Variants in C4orf50 observed in about 807,000 individuals in gnomAD.
C4orf50 encodes chromosome 4 open reading frame 50, also known as uncharacterized protein C4orf50.
C4orf50 carries 80 observed loss-of-function variants against 77.2 expected under a neutral mutation model. That is an observed-to-expected ratio of 1.04 (90% CI 0.87 to 1.25). The LOEUF (loss-of-function observed/expected upper bound fraction) is 1.25. C4orf50 is among the 50% of genes most tolerant of loss of function. The pLI is 0.00. For missense variants in C4orf50, 1,257 were observed against 1,152.9 expected, an observed-to-expected ratio of 1.09 and a Z score of -1.31; for synonymous variants, 532 against 465.3, an observed-to-expected ratio of 1.14 and a Z score of -1.84.
chr4:5,951,467 G>A (rs1020750363), intron 7 of C4orf50, among the ~76,000 whole-genome samples: 4 of 152,114 alleles, frequency 2.6e-5, no homozygotes, highest in African/African-American at 9.7e-5. Context: ...ATCCCAGTCT[G>A]TCTCATTTCA....
At chr4:5,982,079 G>T (rs190740649) in intron 28 of C4orf50, among the ~76,000 whole-genome samples, 11 of 152,152 alleles carry the variant, frequency 7.2e-5, no homozygotes, top group African/African-American at 2.4e-4. Context: ...AAATATACAC[G>T]ACATGGGCCT....
chr4:5,975,332 C>T (rs1478499646), intron 30 of C4orf50, among the ~76,000 whole-genome samples: 1 of 151,952 alleles, frequency 6.6e-6, no homozygotes, highest in Non-Finnish European at 1.5e-5. Context: ...AAGGCTGGGA[C>T]CCACCTCCTA....
chr4:5,897,712 T>C (rs1382823525), exon 8 of C4orf50: 1 of 152,202 alleles, frequency 6.6e-6, no homozygotes, highest in Admixed American at 6.5e-5. Flanking sequence ...TGCCGGCCTA[T>C]TTTACACAAA....
chr4:5,975,822 C>T, intron 30 of C4orf50, 77 bp downstream of exon 8: 1 of 1,151,370 alleles, frequency 8.7e-7, no homozygotes, highest in Non-Finnish European at 1.3e-6. Context: ...AGGTGGATTA[C>T]ATGTCTAACA....
exon 28 of C4orf50, chr4:5,990,173 T>C (rs1331390350): frequency 8.0e-7 from 1 of 1,249,228 alleles, no homozygotes; most frequent in Non-Finnish European, 1.0e-6. Flanking sequence ...AGAAGAGGCA[T>C]CAAAAACTCC....
intron 7 of C4orf50, chr4:5,898,566 C>T (rs963181392): frequency 6.6e-6 from 1 of 152,214 alleles, no homozygotes; most frequent in African/African-American, 2.4e-5. Flanking sequence ...TCTCCTACTG[C>T]TGTTAGGTAC....
chr4:5,929,263 C>T (rs1717654550), intron 7 of C4orf50, among the ~76,000 whole-genome samples: 1 of 152,138 alleles, frequency 6.6e-6, no homozygotes, highest in South Asian at 2.1e-4. Context: ...AGTCAGTTTT[C>T]AAAGGTGTGA....
At chr4:5,980,119 C>T in intron 29 of C4orf50, 55 bp downstream of exon 7, 1 of 1,486,846 alleles carries the variant, frequency 6.7e-7, no homozygotes, top group South Asian at 1.3e-5. Context: ...TCCCAAAACG[C>T]CCCGGGGTGT....
chr4:5,981,886 G>A (rs2108782592), intron 28 of C4orf50, among the ~76,000 whole-genome samples: 1 of 152,072 alleles, frequency 6.6e-6, no homozygotes, highest in South Asian at 2.1e-4. Context: ...GAATTGTAAG[G>A]CCCCCAAAAC....
intron 7 of C4orf50, among the ~76,000 whole-genome samples, chr4:5,929,196 A>C (rs1361942477): frequency 6.6e-6 from 1 of 152,184 alleles, no homozygotes; most frequent in African/African-American, 2.4e-5. Flanking sequence ...TAAATCCCGC[A>C]ATTGGTTATA....
At chr4:5,956,901 C>G (rs1054378598), downstream of C4orf50, 20 of 152,348 alleles carry the variant, frequency 1.3e-4, no homozygotes, top group African/African-American at 4.6e-4. Context: ...CTGCCTGAAC[C>G]TACTGGGTTG....
In C4orf50 at chr4:5,900,925, C is replaced by A. The variant is rs1363000185; in HGVS notation, c.*2475-2737G>T. ...CTGAGCACACAGCCCATGTGTGTCA[C>A]CCTCTGTATGTCACCATGTGTGTCA... On this transcript the variant is annotated intron_variant, in intron 7 of 7. Transcript: ENST00000324058. This position sits in a 1 kb window ranked among gnomAD's most constrained non-coding sequence, Gnocchi z 4.3. 1 of 152,238 alleles carries A rather than the reference C, an allele frequency of 6.6e-6. No homozygotes were observed. The highest frequency in any genetic ancestry group is 2.4e-5 in the African/African-American group (1 of 41,462). 9.4% of individuals were successfully genotyped at this position (152,238 alleles called of 1,614,324 possible). A position where few individuals can be genotyped will look rare whatever the true frequency, so the allele number is the denominator to read the frequency against.
At chr4:5,926,599 T>C (rs978176171) in intron 7 of C4orf50, among the ~76,000 whole-genome samples, 2 of 152,210 alleles carry the variant, frequency 1.3e-5, no homozygotes, top group African/African-American at 4.8e-5. Context: ...TGGTGAATTT[T>C]ACATCATGTG....
intron 7 of C4orf50, chr4:5,904,276 G>T (rs1577869318): frequency 6.6e-6 from 1 of 152,302 alleles, no homozygotes; most frequent in East Asian, 1.9e-4. Flanking sequence ...GGTGTCAGAG[G>T]AAGCAGACTC....
At chr4:5,927,324 C>G (rs1357069307) in intron 7 of C4orf50, among the ~76,000 whole-genome samples, 2 of 152,046 alleles carry the variant, frequency 1.3e-5, no homozygotes, top group Admixed American at 6.5e-5. Context: ...CCACTCCAAC[C>G]ACACTCAACT....
chr4:5,937,740 G>T (rs115136416), intron 7 of C4orf50, among the ~76,000 whole-genome samples: 3,526 of 152,110 alleles, frequency 0.023, 51 homozygotes, highest in South Asian at 0.035. Context: ...AATGGGAAAA[G>T]GTGTACCAAG....
downstream of C4orf50, among the ~76,000 whole-genome samples, chr4:5,955,082 G>C (rs1021158498): frequency 6.6e-6 from 1 of 151,984 alleles, no homozygotes; most frequent in African/African-American, 2.4e-5. The surrounding 1 kb of genome is among the most constrained non-coding windows in gnomAD (Gnocchi z 5.1). Flanking sequence ...CCCTCTGAGC[G>C]CCCGCCCCTA....
intron 30 of C4orf50, among the ~76,000 whole-genome samples, chr4:5,975,342 A>G (rs568754708): frequency 1.3e-5 from 2 of 152,078 alleles, no homozygotes; most frequent in Admixed American, 1.3e-4. Flanking sequence ...CCCACCTCCT[A>G]GGTCACCCCA....
chr4:5,927,893 A>G (rs1418779619), intron 7 of C4orf50, among the ~76,000 whole-genome samples: 1 of 152,010 alleles, frequency 6.6e-6, no homozygotes, highest in Non-Finnish European at 1.5e-5. Flanking sequence ...TGCACTGCCA[A>G]TCCCCTCCCC....
Sources: gnomAD v4.1 joint callset for allele counts (sites outside exome capture counted in the v4.1 genomes callset) on GRCh38, gnomAD v4.1.1 for gene constraint, Gnocchi (gnomAD v3.1) non-coding constraint, MANE v1.5 for transcripts, NCBI Gene and HGNC (gene_info 2026-07-23, HGNC 2026-07-21) for gene names.